FAM135B: variants seen among roughly 807,000 people sequenced by gnomAD.
The protein encoded by FAM135B is family with sequence similarity 135 member B.
In FAM135B, 43 loss-of-function variants were observed where a neutral mutation model predicts 127.7. The ratio of observed to expected loss-of-function variants is 0.34; its 90% CI spans 0.26 to 0.43. The LOEUF is 0.43. Ranked by LOEUF, FAM135B falls within the 20% of genes least tolerant of loss-of-function variation. The pLI is 1.00. For missense variants in FAM135B, 1,558 were observed against 1,725.6 expected (o/e 0.90, Z 1.72); for synonymous variants, 670 against 665.1 (o/e 1.01, Z -0.11).
intron 3 of FAM135B, among the ~76,000 whole-genome samples, chr8:138,292,248 A>T (rs1825167944): frequency 2.0e-5 from 3 of 152,136 alleles, no homozygotes; most frequent in Admixed American, 1.3e-4. Context: ...AATATAAGAC[A>T]CTAATGAAAG....
intron 18 of FAM135B, 67 bp downstream of exon 18, chr8:138,138,919 A>T (rs1487454727): frequency 2.0e-6 from 2 of 989,304 alleles, no homozygotes; most frequent in Non-Finnish European, 3.3e-6. Context: ...ATTATATCTC[A>T]TTTGTGTCTC....
At chr8:138,226,774 C>T (rs954974633) in intron 7 of FAM135B, among the ~76,000 whole-genome samples, 7 of 152,160 alleles carry the variant, frequency 4.6e-5, no homozygotes, top group Admixed American at 3.9e-4. Flanking sequence ...GTTGGCCAGG[C>T]TAGTCTCAAA....
At chr8:138,377,291 A>C (rs566160199) in intron 1 of FAM135B, among the ~76,000 whole-genome samples, 1 of 152,364 alleles carries the variant, frequency 6.6e-6, no homozygotes, top group South Asian at 2.1e-4. Flanking sequence ...GAGATGGGAA[A>C]GGCTCAGGAA....
intron 3 of FAM135B, among the ~76,000 whole-genome samples, chr8:138,296,787 G>C (rs1451859022): frequency 1.3e-5 from 2 of 151,732 alleles, no homozygotes; most frequent in African/African-American, 4.8e-5. Flanking sequence ...TACCCCCCAG[G>C]GTAACTATTT....
intron 12 of FAM135B, among the ~76,000 whole-genome samples, chr8:138,159,937 G>C (rs142013970): frequency 1.6e-3 from 239 of 152,304 alleles, no homozygotes; most frequent in African/African-American, 5.6e-3. Context: ...GTTCAGGATA[G>C]AGGTTGGCCA....
chr8:138,377,876 C>T (rs575025701), intron 1 of FAM135B, among the ~76,000 whole-genome samples: 4 of 152,312 alleles, frequency 2.6e-5, no homozygotes, highest in Admixed American at 6.5e-5. Context: ...ATTCTAACAA[C>T]GTAATAACTC....
At chr8:138,342,338 C>T (rs993440427) in intron 2 of FAM135B, among the ~76,000 whole-genome samples, 3 of 151,814 alleles carry the variant, frequency 2.0e-5, no homozygotes, top group African/African-American at 7.3e-5. Context: ...TAATTAAGGA[C>T]TCATCCCAGA....
chr8:138,283,944 G>A (rs1188324534), intron 3 of FAM135B, among the ~76,000 whole-genome samples: 2 of 151,864 alleles, frequency 1.3e-5, no homozygotes, highest in Non-Finnish European at 2.9e-5. Context: ...TGACAGGGAG[G>A]GGCTGGCAGG....
At chr8:138,382,305 G>A (rs1384196205) in intron 1 of FAM135B, among the ~76,000 whole-genome samples, 1 of 152,168 alleles carries the variant, frequency 6.6e-6, no homozygotes, top group African/African-American at 2.4e-5. Context: ...AGGAACTAGG[G>A]TAATCCGTCT....
intron 1 of FAM135B, among the ~76,000 whole-genome samples, chr8:138,456,349 A>G (rs1443698171): frequency 1.3e-5 from 2 of 152,242 alleles, no homozygotes; most frequent in Non-Finnish European, 2.9e-5. Context: ...AATCCTTTGT[A>G]TCTTTGAACT....
At chr8:138,416,383 C>G (rs931855526) in intron 1 of FAM135B, among the ~76,000 whole-genome samples, 1 of 152,086 alleles carries the variant, frequency 6.6e-6, no homozygotes, top group African/African-American at 2.4e-5. Context: ...TACATAAGAC[C>G]TGTTGTTTTG....
chr8:138,206,828 G>A (rs112522795), intron 7 of FAM135B, among the ~76,000 whole-genome samples: 422 of 23,538 alleles, frequency 0.018, no homozygotes, highest in African/African-American at 0.021. Flanking sequence ...CACAACTCCA[G>A]CATCCTCTCC....
chr8:138,315,791 A>T (rs1026274271), intron 2 of FAM135B, among the ~76,000 whole-genome samples: 7 of 152,224 alleles, frequency 4.6e-5, no homozygotes, highest in African/African-American at 1.4e-4. Context: ...TTACATGTAG[A>T]ACATTTTTAA....
chr8:138,208,019 G>C (rs910562232), intron 7 of FAM135B, among the ~76,000 whole-genome samples: 1 of 152,166 alleles, frequency 6.6e-6, no homozygotes, highest in African/African-American at 2.4e-5. Flanking sequence ...GGGAAAAGAA[G>C]GTATTGTTTT....
chr8:138,230,438 T>G (rs1322138609), intron 7 of FAM135B, among the ~76,000 whole-genome samples: 1 of 152,124 alleles, frequency 6.6e-6, no homozygotes, highest in African/African-American at 2.4e-5. Flanking sequence ...AGAGGATAAC[T>G]GACAAAATCA....
intron 3 of FAM135B, among the ~76,000 whole-genome samples, chr8:138,270,666 A>C (rs1823310235): frequency 6.6e-6 from 1 of 152,230 alleles, no homozygotes; most frequent in South Asian, 2.1e-4. Context: ...TCCCATTGCA[A>C]AAGGCAGAAA....
chr8:138,259,017 C>A (rs185497268), intron 4 of FAM135B, among the ~76,000 whole-genome samples: 1 of 152,152 alleles, frequency 6.6e-6, no homozygotes, highest in Non-Finnish European at 1.5e-5. Flanking sequence ...TATACATATA[C>A]TATTTTATTT....
Position 138,152,216 on chromosome 8 carries a change from TAA to T in FAM135B, c.2257_2258del (p.Leu753ThrfsTer3). 6.2e-7 allele frequency: 1 copy of T among 1,614,026 alleles called. No individual in the cohort carries two copies. Among genetic ancestry groups the T allele is most frequent in the Non-Finnish European group, 8.5e-7 (1 of 1,180,004 alleles). ...IQASLTSISS[L>X]PFEEDEREVA... is the part of the protein sequence containing the mutation. The stretch of plus-strand genomic sequence containing the variant: ...CCTCCCGCTCATCCTCCTCAAAAGG[TAA>T]AGAGCTAATGGAGGTGAGAGAAGCC... On this transcript the variant is annotated frameshift_variant, in exon 13 of 20. Coordinates refer to ENST00000395297, the MANE Select transcript of FAM135B (RefSeq NM_015912.4). LOFTEE classifies it high-confidence loss of function.
intron 6 of FAM135B, among the ~76,000 whole-genome samples, chr8:138,249,143 G>A (rs1469354262): frequency 1.3e-5 from 2 of 152,162 alleles, no homozygotes; most frequent in Non-Finnish European, 2.9e-5. Flanking sequence ...ACCTCGCAGA[G>A]GGCAGACAGA....
Sources: allele counts gnomAD v4.1 joint callset (sites outside exome capture counted in the v4.1 genomes callset), GRCh38; gene constraint gnomAD v4.1.1; transcripts MANE v1.5; gene names NCBI Gene and HGNC (gene_info 2026-07-23, HGNC 2026-07-21).